Variants in SLC25A26 observed in about 807,000 individuals in gnomAD.
SLC25A26 encodes mitochondrial S-adenosylmethionine carrier protein.
Under a neutral mutation model 37.8 loss-of-function variants are expected in SLC25A26, and 36 were observed. That is an observed-to-expected ratio of 0.95 (90% CI 0.73 to 1.26). SLC25A26 has a LOEUF of 1.26. SLC25A26 is among the 50% of genes most tolerant of loss of function. The probability of loss-of-function intolerance (pLI) is 0.00; values close to 1 mark genes in which losing one functional copy is unlikely to be tolerated. For missense variants in SLC25A26, 390 were observed against 331.1 expected (o/e 1.18, Z -1.38); for synonymous variants, 129 against 122.5 (o/e 1.05, Z -0.35).
chr3:66,371,961 T>G (rs1415892993), intron 9 of SLC25A26, among the ~76,000 whole-genome samples: 1 of 152,094 alleles, frequency 6.6e-6, no homozygotes, highest in Non-Finnish European at 1.5e-5. Context: ...TAGCCTGGTG[T>G]GGTCGCACGC....
chr3:66,175,099 ATGTGTGTGTG>A (rs202148683), intron 1 of SLC25A26, among the ~76,000 whole-genome samples: 3 of 109,724 alleles, frequency 2.7e-5, no homozygotes, highest in South Asian at 5.9e-4. Flanking sequence ...GTATATGTAT[ATGTGTGTGTG>A]TATATATATA....
intron 6 of SLC25A26, among the ~76,000 whole-genome samples, chr3:66,348,068 C>A (rs1211080801): frequency 6.6e-6 from 1 of 152,166 alleles, no homozygotes; most frequent in Admixed American, 6.5e-5. Context: ...AACAAACCAC[C>A]ATGGGTCACA....
At chr3:66,286,007 A>G (rs577649230) in intron 5 of SLC25A26, among the ~76,000 whole-genome samples, 7 of 152,272 alleles carry the variant, frequency 4.6e-5, no homozygotes, top group African/African-American at 1.7e-4. Flanking sequence ...GCATCCTTGC[A>G]TCTTTTTATC....
chr3:66,283,619 C>T (rs895733666), intron 5 of SLC25A26, among the ~76,000 whole-genome samples: 2 of 152,160 alleles, frequency 1.3e-5, no homozygotes, highest in Non-Finnish European at 2.9e-5. Flanking sequence ...ACATCCCCAC[C>T]AGCAGTATAT....
rs74842464 is a variant in SLC25A26 at position 66,336,681 on chromosome 3, C to T, written c.454-9683C>T. Among the ~76,000 whole-genome samples, 607 of 152,272 alleles carry T rather than the reference C, an allele frequency of 4.0e-3. 3 individuals are homozygous for T. The highest frequency in any genetic ancestry group is 7.3e-3 in the Non-Finnish European group (496 of 68,008). On this transcript the variant is annotated intron_variant, in intron 5 of 9. Coordinates refer to ENST00000354883, the MANE Select transcript of SLC25A26 (RefSeq NM_001379210.1). ...ACTGTGAATAACCAAAAATGAACTT[C>T]CTGGATTGCTTCTTACATACAAGAA... is the stretch of plus-strand genomic sequence containing the variant.
intron 5 of SLC25A26, among the ~76,000 whole-genome samples, chr3:66,338,899 T>C (rs1419511098): frequency 6.6e-6 from 1 of 152,056 alleles, no homozygotes; most frequent in East Asian, 1.9e-4. Flanking sequence ...GTGTGGCATG[T>C]ATCGGAACTT....
At chr3:66,259,404 C>T (rs922646947) in intron 3 of SLC25A26, among the ~76,000 whole-genome samples, 3 of 152,160 alleles carry the variant, frequency 2.0e-5, no homozygotes, top group Admixed American at 1.3e-4. Flanking sequence ...CTTGACTGGA[C>T]ATAGCCCCTT....
intron 1 of SLC25A26, among the ~76,000 whole-genome samples, chr3:66,193,517 A>G (rs2070984810): frequency 6.6e-6 from 1 of 152,196 alleles, no homozygotes; most frequent in African/African-American, 2.4e-5. Context: ...ATCAGTTCAG[A>G]TAACTAACAT....
chr3:66,284,226 A>G (rs2074436032), intron 5 of SLC25A26, among the ~76,000 whole-genome samples: 1 of 151,996 alleles, frequency 6.6e-6, no homozygotes, highest in Non-Finnish European at 1.5e-5. Flanking sequence ...GTGCACACCC[A>G]TAGTCCCATT....
At chr3:66,292,206 A>G (rs776527871) in intron 5 of SLC25A26, among the ~76,000 whole-genome samples, 5 of 152,012 alleles carry the variant, frequency 3.3e-5, no homozygotes, top group Non-Finnish European at 7.4e-5. Flanking sequence ...TGCACATGAG[A>G]TGGGCCTCCT....
chr3:66,263,393 TTTCCAATATTGAA>T lies in SLC25A26; in HGVS notation c.453+15_453+27del. On this transcript the variant is annotated intron_variant, in intron 5 of 9. Transcript: ENST00000354883. ...GTTTTAAGAGAGGTAAGTCACTTAC[TTTCCAATATTGAA>T]GTACGAAAGAATGATGTCCTTTGTT... The T allele has an allele frequency of 6.4e-7, 1 of 1,565,418 alleles. No individual in the cohort carries two copies. Among genetic ancestry groups the T allele is most frequent in the Non-Finnish European group, 8.8e-7 (1 of 1,137,868 alleles).
At chr3:66,137,593 A>G (rs979862097) in intron 1 of SLC25A26, among the ~76,000 whole-genome samples, 14 of 152,058 alleles carry the variant, frequency 9.2e-5, no homozygotes, top group Non-Finnish European at 2.9e-5. Context: ...TAGTTTATGA[A>G]TTACCTAGTT....
intron 6 of SLC25A26, among the ~76,000 whole-genome samples, chr3:66,347,295 C>T (rs1575594641): frequency 2.0e-5 from 3 of 152,074 alleles, no homozygotes; most frequent in African/African-American, 7.2e-5. Flanking sequence ...CAAAGAATCC[C>T]ATTAAAAAGT....
At chr3:66,199,283 C>T (rs2106809552) in intron 1 of SLC25A26, among the ~76,000 whole-genome samples, 1 of 152,144 alleles carries the variant, frequency 6.6e-6, no homozygotes, top group African/African-American at 2.4e-5. Context: ...ATCTAAATCA[C>T]ACATGGACTC....
intron 2 of SLC25A26, among the ~76,000 whole-genome samples, chr3:66,238,499 C>T (rs894102004): frequency 3.3e-5 from 5 of 152,110 alleles, no homozygotes; most frequent in African/African-American, 1.2e-4. Context: ...TCTCCTGCTT[C>T]AGCCTCCTGA....
rs565212254 is a variant in SLC25A26 at position 66,340,459 on chromosome 3, G to GC, written c.454-5904dup. ...AAGTTTTTTTTCTTTTGTGGTTATT[G>GC]CGTCTTGTGGTCCCAGAAATTTCCT... is the stretch of plus-strand genomic sequence containing the variant. On this transcript the variant is annotated intron_variant, in intron 5 of 9. Coordinates refer to ENST00000354883, the MANE Select transcript of SLC25A26 (RefSeq NM_001379210.1). Among the ~76,000 whole-genome samples the GC allele has an allele frequency of 7.9e-5, 12 of 152,000 alleles. No individual in the cohort carries two copies. In the South Asian group the frequency reaches 2.5e-3, roughly 32 times the overall value.
At chr3:66,316,161 T>C (rs981845722) in intron 5 of SLC25A26, among the ~76,000 whole-genome samples, 2 of 152,236 alleles carry the variant, frequency 1.3e-5, no homozygotes, top group Non-Finnish European at 2.9e-5. Context: ...TTCATCATGA[T>C]GCTGGCTGAT....
intron 9 of SLC25A26, chr3:66,371,282 T>G (rs892627310): frequency 6.5e-7 from 1 of 1,549,938 alleles, no homozygotes; most frequent in Non-Finnish European, 8.7e-7. Context: ...CTGCCTGGAC[T>G]TCGGGCGTCT....
At chr3:66,337,175 T>G (rs991554903) in intron 5 of SLC25A26, among the ~76,000 whole-genome samples, 3 of 152,136 alleles carry the variant, frequency 2.0e-5, no homozygotes, top group Admixed American at 6.6e-5. Flanking sequence ...GATTTTTCAT[T>G]TTGATTGATT....
Sources: allele counts gnomAD v4.1 joint callset (sites outside exome capture counted in the v4.1 genomes callset), GRCh38; gene constraint gnomAD v4.1.1; transcripts MANE v1.5; gene names NCBI Gene and HGNC (gene_info 2026-07-23, HGNC 2026-07-21).